Variants in DELE1 observed in about 807,000 individuals in gnomAD.
DELE1 encodes the protein DAP3 binding cell death enhancer 1, also known as death ligand signal enhancer.
A neutral mutation model predicts 59.3 loss-of-function variants in DELE1; 54 were observed. The observed-to-expected ratio is 0.91, with a 90% CI of 0.73 to 1.14. The LOEUF (loss-of-function observed/expected upper bound fraction) is 1.14, where lower values mean the gene tolerates loss of function less well. Among genes scored for constraint, DELE1 ranks in the 50% most tolerant of loss-of-function variants. DELE1 has a pLI of 0.00. For synonymous variants in DELE1, 264 were observed against 259.1 expected (o/e 1.02, Z -0.18); for missense variants, 636 against 643.9 (o/e 0.99, Z 0.13).
At chr5:141,926,989 C>T (rs1190579282) in intron 3 of DELE1, among the ~76,000 whole-genome samples, 1 of 152,236 alleles carries the variant, frequency 6.6e-6, no homozygotes, top group African/African-American at 2.4e-5. Flanking sequence ...CACACGTCAC[C>T]CCCACAGACA....
Position 141,941,586 on chromosome 5 carries a change from T to G in DELE1, c.*2827T>G. The G allele has an allele frequency of 4.1e-6, 4 of 985,406 alleles. No homozygotes were observed. The highest frequency in any genetic ancestry group is 4.8e-6 in the Non-Finnish European group (4 of 829,980). The allele number at this position is 985,406 out of a possible 1,614,324, so 61.0% of individuals were successfully genotyped here. On this transcript the variant is annotated 3_prime_UTR_variant, in exon 12 of 12. Coordinates refer to ENST00000432126, the MANE Select transcript of DELE1 (RefSeq NM_014773.5). The stretch of plus-strand genomic sequence containing the variant: ...TGTGAGAGGACGAGAGGGAGGTGGC[T>G]CCCATCAGCAGGGCCAGCCTGGGTC...
chr5:141,927,827 T>C (rs538132143), intron 3 of DELE1, among the ~76,000 whole-genome samples: 1 of 152,344 alleles, frequency 6.6e-6, no homozygotes, highest in African/African-American at 2.4e-5. Flanking sequence ...TTATTCAGGT[T>C]GTACTTATTA....
intron 7 of DELE1, among the ~76,000 whole-genome samples, chr5:141,932,476 C>A (rs1751989927): frequency 6.6e-6 from 1 of 152,196 alleles, no homozygotes; most frequent in South Asian, 2.1e-4. Flanking sequence ...GATCTATTGA[C>A]CTGCCAAGCC....
intron 4 of DELE1, among the ~76,000 whole-genome samples, chr5:141,928,993 G>T (rs1277597881): frequency 6.7e-6 from 1 of 149,398 alleles, no homozygotes; most frequent in East Asian, 1.9e-4. Context: ...AGGTACTGGG[G>T]CTACAACAGT....
chr5:141,924,554 T>TGC, intron 1 of DELE1, 27 bp from the exon 2 acceptor site: 1 of 1,350,830 alleles, frequency 7.4e-7, no homozygotes, highest in Non-Finnish European at 1.1e-6. Context: ...CTTGTTGAGG[T>TGC]GCCTGAGTTT....
chr5:141,926,986 C>A (rs896081739), intron 3 of DELE1, among the ~76,000 whole-genome samples: 4 of 152,232 alleles, frequency 2.6e-5, no homozygotes, highest in African/African-American at 9.6e-5. Flanking sequence ...GCCCACACGT[C>A]ACCCCCACAG....
In DELE1 at chr5:141,939,051, C is replaced by T. The variant is rs965647999; in HGVS notation, c.*292C>T. The T allele has an allele frequency of 3.4e-6, 4 of 1,166,974 alleles. No homozygotes were observed. The highest frequency in any genetic ancestry group is 4.2e-6 in the Non-Finnish European group (4 of 944,056). The allele number at this position is 1,166,974 out of a possible 1,614,324, so 72.3% of individuals were successfully genotyped here. ...AGGGTCCAGAGACCCTGGTGCTCAC[C>T]TTAGCCTTTGTCTTTGAGCAAATAA... On this transcript the variant is annotated 3_prime_UTR_variant, in exon 12 of 12. Coordinates refer to ENST00000432126, the MANE Select transcript of DELE1 (RefSeq NM_014773.5).
In DELE1 at chr5:141,941,937, G is replaced by GC; in HGVS notation, c.*3184dup. On this transcript the variant is annotated 3_prime_UTR_variant, in exon 12 of 12. Transcript: ENST00000432126. ...TAACTTGAATGAATAATTCTGTATTGCCCCCCACTCGCCGCCTATACACAC... is the reference window on the plus strand; with the variant it reads ...TAACTTGAATGAATAATTCTGTATTGCCCCCCCACTCGCCGCCTATACACAC... 1 of 985,034 alleles carries GC rather than the reference G, an allele frequency of 1.0e-6. No individual in the cohort carries two copies. The highest frequency in any genetic ancestry group is 1.2e-6 in the Non-Finnish European group (1 of 829,878). The allele number at this position is 985,034 out of a possible 1,614,324, so 61.0% of individuals were successfully genotyped here.
At position 141,941,426 on chromosome 5, in the gene DELE1, A is replaced by G; in HGVS notation, c.*2667A>G. 1.0e-6 allele frequency: 1 copy of G among 985,468 alleles called. No individual in the cohort carries two copies. Among genetic ancestry groups the G allele is most frequent in the Non-Finnish European group, 1.2e-6 (1 of 829,962 alleles). The allele number at this position is 985,468 out of a possible 1,614,324, so 61.0% of individuals were successfully genotyped here. ...GAAAGGTGTTGTCAAGGGACCAAAA[A>G]TCCTTGGCTGTTCAGTCACTGCGGT... is the stretch of plus-strand genomic sequence containing the variant. On this transcript the variant is annotated 3_prime_UTR_variant, in exon 12 of 12. Coordinates refer to ENST00000432126, the MANE Select transcript of DELE1 (RefSeq NM_014773.5).
chr5:141,933,406 TC>T lies in DELE1; in HGVS notation c.897+9del. 2 of 1,474,002 alleles carry T rather than the reference TC, an allele frequency of 1.4e-6. No individual in the cohort carries two copies. The highest frequency in any genetic ancestry group is 1.8e-6 in the Non-Finnish European group (2 of 1,089,488). The allele number at this position is 1,474,002 out of a possible 1,614,324, so 91.3% of individuals were successfully genotyped here. A position where few individuals can be genotyped will look rare whatever the true frequency, so the allele number is the denominator to read the frequency against. Reference sequence around the variant, plus strand: ...ACCCCCAGGGACATTAGCAAGGTATTCCCCTGCCCCCAAGCCTGCCTTCTGT... The same window carrying T: ...ACCCCCAGGGACATTAGCAAGGTATTCCCTGCCCCCAAGCCTGCCTTCTGT... On this transcript the variant is annotated splice_donor_region_variant and intron_variant, in intron 8 of 11. Transcript: ENST00000432126.
At position 141,940,288 on chromosome 5, in the gene DELE1, CTT is replaced by C; in HGVS notation, c.*1530_*1531del. On this transcript the variant is annotated 3_prime_UTR_variant, in exon 12 of 12. Coordinates refer to ENST00000432126, the MANE Select transcript of DELE1 (RefSeq NM_014773.5). ...CTTAAAAGCTTCTCCAGGAGAGAGA[CTT>C]AGGAAAAAAAAAGATTTCTGAGTCA... 1 of 984,992 alleles carries C rather than the reference CTT, an allele frequency of 1.0e-6. No homozygotes were observed. The allele number at this position is 984,992 out of a possible 1,614,324, so 61.0% of individuals were successfully genotyped here.
rs115156255 is a variant in DELE1 at position 141,933,937 on chromosome 5, G to A, written c.898-303G>A. On this transcript the variant is annotated intron_variant, in intron 8 of 11. Coordinates refer to ENST00000432126, the MANE Select transcript of DELE1 (RefSeq NM_014773.5). ...TCTGCCCCCCCCCACACATATGTGC[G>A]TGCAAATGCGTAGATGTCTAAAAGG... The A allele has an allele frequency of 9.0e-3, 1,804 of 200,392 alleles. 29 individuals are homozygous for A. The highest frequency in any genetic ancestry group is 0.034 in the South Asian group (269 of 7,862). 12.4% of individuals were successfully genotyped at this position (200,392 alleles called of 1,614,324 possible). A position where few individuals can be genotyped will look rare whatever the true frequency, so the allele number is the denominator to read the frequency against.
At chr5:141,925,314 G>C in intron 2 of DELE1, 96 bp from the exon 3 acceptor site, 1 of 699,050 alleles carries the variant, frequency 1.4e-6, no homozygotes, top group Non-Finnish European at 2.3e-6. Flanking sequence ...ACCCACCTCA[G>C]CCTCCCAAAT....
rs982506378 is a variant in DELE1 at position 141,940,847 on chromosome 5, A to T, written c.*2088A>T. ...CTCAGGGTTTTAAGCTGTGCAGTGC[A>T]CTAAGCTCTCTGCCAAAAAACAAAC... On this transcript the variant is annotated 3_prime_UTR_variant, in exon 12 of 12. Coordinates refer to ENST00000432126, the MANE Select transcript of DELE1 (RefSeq NM_014773.5). The T allele has an allele frequency of 1.0e-6, 1 of 985,380 alleles. No homozygotes were observed. 61.0% of individuals were successfully genotyped at this position (985,380 alleles called of 1,614,324 possible). A position where few individuals can be genotyped will look rare whatever the true frequency, so the allele number is the denominator to read the frequency against.
Position 141,928,141 on chromosome 5 carries a change from T to C in DELE1, c.265-10T>C. ...GAAGGACCGTGTCCTTAACGTGCTG[T>C]CTTTCCCAGGGCACTCTGGCCGTGC... On this transcript the variant is annotated splice_polypyrimidine_tract_variant and intron_variant, in intron 3 of 11. Coordinates refer to ENST00000432126, the MANE Select transcript of DELE1 (RefSeq NM_014773.5). 1 of 1,612,120 alleles carries C rather than the reference T, an allele frequency of 6.2e-7. No homozygotes were observed. The highest frequency in any genetic ancestry group is 2.2e-5 in the East Asian group (1 of 44,880).
At position 141,925,313 on chromosome 5, in the gene DELE1, A is replaced by G. The variant is rs112376675; in HGVS notation, c.147-97A>G. Reference sequence around the variant, plus strand: ...CCTGACCTCGTGATCCACCCACCTCAGCCTCCCAAATTGTTGGGATTACAG... The same window carrying G: ...CCTGACCTCGTGATCCACCCACCTCGGCCTCCCAAATTGTTGGGATTACAG... On this transcript the variant is annotated intron_variant, in intron 2 of 11. Coordinates refer to ENST00000432126, the MANE Select transcript of DELE1 (RefSeq NM_014773.5). 6.3e-3 allele frequency: 4,311 copies of G among 688,172 alleles called. 150 individuals are homozygous for G. The African/African-American group carries it at 0.072, about 11-fold the overall frequency. The allele number at this position is 688,172 out of a possible 1,614,324, so 42.6% of individuals were successfully genotyped here. A position where few individuals can be genotyped will look rare whatever the true frequency, so the allele number is the denominator to read the frequency against.
At chr5:141,930,809 C>CT (rs1294764313) in intron 7 of DELE1, among the ~76,000 whole-genome samples, 1 of 152,154 alleles carries the variant, frequency 6.6e-6, no homozygotes, top group Non-Finnish European at 1.5e-5. Context: ...TTGCCCTGTT[C>CT]TTTGCAGTAA....
chr5:141,934,780 C>T, intron 10 of DELE1, 194 bp downstream of exon 10: 1 of 594,866 alleles, frequency 1.7e-6, no homozygotes, highest in Non-Finnish European at 3.0e-6. Flanking sequence ...CTGGCTTGCA[C>T]CAGGCTGTGA....
chr5:141,933,177 A>T (rs1752074223), intron 7 of DELE1, 82 bp from the exon 8 acceptor site: 2 of 1,067,932 alleles, frequency 1.9e-6, no homozygotes, highest in South Asian at 2.6e-5. Flanking sequence ...GGAGGATCAG[A>T]TGAGGAGTCT....
Sources: allele counts gnomAD v4.1 joint callset (sites outside exome capture counted in the v4.1 genomes callset), GRCh38; gene constraint gnomAD v4.1.1; transcripts MANE v1.5; gene names NCBI Gene and HGNC (gene_info 2026-07-23, HGNC 2026-07-21).